Variants in ZNF804B observed in about 807,000 individuals in gnomAD.
ZNF804B encodes the protein zinc finger protein 804B, also known as zinc finger 804B.
Under a neutral mutation model 101.4 loss-of-function variants are expected in ZNF804B, and 80 were observed. That is an observed-to-expected ratio of 0.79 (90% CI 0.66 to 0.95). ZNF804B has a LOEUF of 0.95. Ranked by LOEUF, ZNF804B falls within the 40% of genes least tolerant of loss-of-function variation. The pLI is 0.00. For missense variants in ZNF804B, 1,673 were observed against 1,561.9 expected, an observed-to-expected ratio of 1.07 and a Z score of -1.20; for synonymous variants, 622 against 558.8, an observed-to-expected ratio of 1.11 and a Z score of -1.59.
At position 88,857,835 on chromosome 7, in the gene ZNF804B, T is replaced by C. The variant is rs1164774211; in HGVS notation, c.108+97751T>C. 4.6e-5 allele frequency among the ~76,000 whole-genome samples: 6 copies of C among 130,726 alleles called. No homozygotes were observed. In the South Asian group the frequency reaches 8.2e-4, roughly 18 times the overall value. The allele number at this position is 130,726 out of a possible 152,430, so 85.8% of individuals were successfully genotyped here. ...TTCCTTTCTTTTCTTTTTTTTTTTT[T>C]TTTTTTTTTTTTTTTTGTCACTGCT... On this transcript the variant is annotated intron_variant, in intron 1 of 3. Transcript: ENST00000333190.
At chr7:89,160,624 C>A (rs373408344) in intron 1 of ZNF804B, among the ~76,000 whole-genome samples, 28 of 152,116 alleles carry the variant, frequency 1.8e-4, no homozygotes, top group African/African-American at 6.7e-4. Context: ...ATGAGCAGAC[C>A]AAAGCTGTAA....
intron 1 of ZNF804B, among the ~76,000 whole-genome samples, chr7:89,114,067 G>A (rs17306218): frequency 0.094 from 14,281 of 152,096 alleles, 743 homozygotes; most frequent in Middle Eastern, 0.14. Flanking sequence ...TGAAGAATGA[G>A]AACAAGCTTG....
chr7:89,265,718 G>A (rs1789782515), intron 2 of ZNF804B, among the ~76,000 whole-genome samples: 1 of 152,290 alleles, frequency 6.6e-6, no homozygotes, highest in Non-Finnish European at 1.5e-5. Flanking sequence ...AACATGTTGT[G>A]AAAATACAGA....
chr7:89,124,966 T>C (rs993332047), intron 1 of ZNF804B, among the ~76,000 whole-genome samples: 3 of 151,978 alleles, frequency 2.0e-5, no homozygotes, highest in Admixed American at 2.0e-4. Flanking sequence ...ATTGCTCTCA[T>C]ACCAATGTTT....
intron 2 of ZNF804B, among the ~76,000 whole-genome samples, chr7:89,245,713 G>A (rs575708187): frequency 1.3e-5 from 2 of 152,274 alleles, no homozygotes; most frequent in East Asian, 3.9e-4. Flanking sequence ...AACTCTGTGA[G>A]GTTTGATTCA....
At chr7:89,300,976 A>G (rs1250095172) in intron 2 of ZNF804B, among the ~76,000 whole-genome samples, 1 of 151,742 alleles carries the variant, frequency 6.6e-6, no homozygotes, top group Non-Finnish European at 1.5e-5. Flanking sequence ...TTGCACAGGG[A>G]TAAAAGCTAC....
At chr7:88,772,057 T>C (rs1188941406) in intron 1 of ZNF804B, among the ~76,000 whole-genome samples, 2 of 152,168 alleles carry the variant, frequency 1.3e-5, no homozygotes, top group Non-Finnish European at 2.9e-5. Flanking sequence ...GCCAAGAAGA[T>C]TGTAGATAAA....
intron 1 of ZNF804B, among the ~76,000 whole-genome samples, chr7:89,184,697 C>A (rs980285190): frequency 6.6e-6 from 1 of 152,052 alleles, no homozygotes; most frequent in Non-Finnish European, 1.5e-5. Context: ...GTTATTCTAT[C>A]CACCTTTTAT....
intron 1 of ZNF804B, among the ~76,000 whole-genome samples, chr7:89,128,410 G>T (rs991727403): frequency 6.6e-6 from 1 of 151,892 alleles, no homozygotes; most frequent in Non-Finnish European, 1.5e-5. Context: ...AGAATTTTAT[G>T]TGCCAATTTA....
intron 1 of ZNF804B, among the ~76,000 whole-genome samples, chr7:88,921,772 C>G (rs994051317): frequency 3.3e-5 from 5 of 151,886 alleles, no homozygotes; most frequent in Non-Finnish European, 5.9e-5. Context: ...GTCTTTCTTT[C>G]CCAGGGAAAA....
At chr7:89,220,722 G>A (rs1441342454) in intron 2 of ZNF804B, among the ~76,000 whole-genome samples, 2 of 151,860 alleles carry the variant, frequency 1.3e-5, no homozygotes, top group South Asian at 2.1e-4. Flanking sequence ...TACCTTAGTG[G>A]TCTTATAAAT....
chr7:88,961,987 A>G (rs1179071580), intron 1 of ZNF804B, among the ~76,000 whole-genome samples: 1 of 151,258 alleles, frequency 6.6e-6, no homozygotes, highest in Non-Finnish European at 1.5e-5. Flanking sequence ...TTTCTCTGTA[A>G]TACACAAGGT....
intron 1 of ZNF804B, among the ~76,000 whole-genome samples, chr7:89,119,512 G>A (rs980880774): frequency 3.3e-5 from 5 of 151,992 alleles, no homozygotes; most frequent in East Asian, 1.9e-4. Context: ...GCTTTTCTCC[G>A]TTCTTCCTCA....
At chr7:88,809,421 A>G (rs1316963285) in intron 1 of ZNF804B, among the ~76,000 whole-genome samples, 1 of 151,882 alleles carries the variant, frequency 6.6e-6, no homozygotes, top group Admixed American at 6.6e-5. Flanking sequence ...CTACCAACCT[A>G]CCTACCTATC....
intron 2 of ZNF804B, among the ~76,000 whole-genome samples, chr7:89,273,683 A>G (rs1280296915): frequency 3.3e-5 from 5 of 152,136 alleles, no homozygotes; most frequent in Non-Finnish European, 7.4e-5. Context: ...CTTGATGTCT[A>G]GCACATATTA....
chr7:89,052,773 A>G (rs1323037432), intron 1 of ZNF804B, among the ~76,000 whole-genome samples: 2 of 152,152 alleles, frequency 1.3e-5, no homozygotes, highest in African/African-American at 4.8e-5. Flanking sequence ...ATTCTTTTTC[A>G]GGCATGTGGA....
At chr7:88,787,919 A>G (rs1790326269) in intron 1 of ZNF804B, among the ~76,000 whole-genome samples, 1 of 152,172 alleles carries the variant, frequency 6.6e-6, no homozygotes, top group African/African-American at 2.4e-5. Flanking sequence ...AAACAAGATC[A>G]GACAATGGGA....
At chr7:88,813,441 AAAG>A (rs1790824075) in intron 1 of ZNF804B, among the ~76,000 whole-genome samples, 1 of 151,644 alleles carries the variant, frequency 6.6e-6, no homozygotes, top group African/African-American at 2.4e-5. Flanking sequence ...AAAAAAAAGA[AAAG>A]AAAAAAATGT....
At chr7:88,837,159 A>G (rs1295943316) in intron 1 of ZNF804B, among the ~76,000 whole-genome samples, 1 of 151,970 alleles carries the variant, frequency 6.6e-6, no homozygotes, top group African/African-American at 2.4e-5. Context: ...TTCATGGTAC[A>G]CAATATATTT....
Sources: gnomAD v4.1 joint callset for allele counts (sites outside exome capture counted in the v4.1 genomes callset) on GRCh38, gnomAD v4.1.1 for gene constraint, MANE v1.5 for transcripts, NCBI Gene and HGNC (gene_info 2026-07-23, HGNC 2026-07-21) for gene names.